NCK2: variants seen among roughly 807,000 people sequenced by gnomAD.
NCK2 encodes the protein NCK adaptor protein 2, also known as cytoplasmic protein NCK2.
A neutral mutation model predicts 33.9 loss-of-function variants in NCK2; 16 were observed. The ratio of observed to expected loss-of-function variants is 0.47; its 90% confidence interval spans 0.32 to 0.72. The LOEUF (loss-of-function observed/expected upper bound fraction) is 0.72. Ranked by LOEUF, NCK2 falls within the 30% of genes least tolerant of loss-of-function variation. The pLI is 0.03. For missense variants in NCK2, 418 were observed against 537.3 expected, an observed-to-expected ratio of 0.78 and a Z score of 2.19; for synonymous variants, 273 against 239.9, an observed-to-expected ratio of 1.14 and a Z score of -1.27.
At chr2:105,789,598 T>A (rs530186292) in intron 1 of NCK2, among the ~76,000 whole-genome samples, 30 of 152,346 alleles carry the variant, frequency 2.0e-4, no homozygotes, top group African/African-American at 7.0e-4. Context: ...AAAATGATCC[T>A]CTTGCTACAT....
chr2:105,847,695 C>T (rs896043388), intron 2 of NCK2, among the ~76,000 whole-genome samples: 2 of 152,096 alleles, frequency 1.3e-5, no homozygotes, highest in Non-Finnish European at 2.9e-5. Flanking sequence ...TGGATAATCA[C>T]CCATCCCAAG....
At chr2:105,819,921 A>G (rs1241587060) in intron 2 of NCK2, among the ~76,000 whole-genome samples, 1 of 152,154 alleles carries the variant, frequency 6.6e-6, no homozygotes, top group Non-Finnish European at 1.5e-5. Flanking sequence ...AGCAGTTAAA[A>G]AAAAAATAGA....
At chr2:105,760,586 T>G (rs1689736544) in intron 1 of NCK2, among the ~76,000 whole-genome samples, 1 of 152,174 alleles carries the variant, frequency 6.6e-6, no homozygotes, top group Non-Finnish European at 1.5e-5. Context: ...TGACCACCTC[T>G]TGGATCTCTC....
chr2:105,783,401 C>T (rs1558835036), intron 1 of NCK2, among the ~76,000 whole-genome samples: 1 of 152,136 alleles, frequency 6.6e-6, no homozygotes, highest in Non-Finnish European at 1.5e-5. Context: ...TCTGGGGTAG[C>T]ACCGTGAAGG....
chr2:105,883,407 G>A (rs1254383631), intron 4 of NCK2, among the ~76,000 whole-genome samples: 1 of 152,166 alleles, frequency 6.6e-6, no homozygotes, highest in Non-Finnish European at 1.5e-5. Context: ...GAGTCCTTAA[G>A]GGCTAAGTAT....
chr2:105,888,155 AT>A (rs1341771444), intron 4 of NCK2, among the ~76,000 whole-genome samples: 1 of 152,226 alleles, frequency 6.6e-6, no homozygotes, highest in Non-Finnish European at 1.5e-5. Flanking sequence ...CCGCCAACCT[AT>A]TAATTGTCCT....
chr2:105,777,146 C>T lies in NCK2; in HGVS notation c.-201+32008C>T, dbSNP rs557083483. Among the ~76,000 whole-genome samples, 11 of 152,236 alleles carry T rather than the reference C, an allele frequency of 7.2e-5. No individual in the cohort carries two copies. The South Asian group carries it at 2.3e-3, about 32-fold the overall frequency. On this transcript the variant is annotated intron_variant, in intron 1 of 4. Transcript: ENST00000233154. ...GAGCAGGAATTCTGAGCCCACGGCC[C>T]TGCGGCTGTCACTGGGCACTCCACC...
chr2:105,776,799 A>G (rs1367414268), intron 1 of NCK2, among the ~76,000 whole-genome samples: 3 of 151,970 alleles, frequency 2.0e-5, no homozygotes, highest in Admixed American at 2.0e-4. Flanking sequence ...CGAGGGTACC[A>G]TAGCCCTCTG....
chr2:105,786,839 A>G (rs980247610), intron 1 of NCK2, among the ~76,000 whole-genome samples: 18 of 114,520 alleles, frequency 1.6e-4, no homozygotes, highest in Admixed American at 1.4e-3. Flanking sequence ...GCCTTCTACC[A>G]GCCCTGCTCC....
intron 1 of NCK2, among the ~76,000 whole-genome samples, chr2:105,768,816 C>T (rs1690031754): frequency 6.6e-6 from 1 of 152,144 alleles, no homozygotes; most frequent in African/African-American, 2.4e-5. Flanking sequence ...TAGGAACAGC[C>T]CAAAGGAAGT....
At chr2:105,787,664 G>A (rs765993944) in intron 1 of NCK2, among the ~76,000 whole-genome samples, 1 of 152,054 alleles carries the variant, frequency 6.6e-6, no homozygotes, top group African/African-American at 2.4e-5. Context: ...CTCTCCCTGC[G>A]GTGGAGACTC....
chr2:105,809,671 G>T (rs1201962744), intron 1 of NCK2, among the ~76,000 whole-genome samples: 2 of 152,198 alleles, frequency 1.3e-5, no homozygotes, highest in Non-Finnish European at 2.9e-5. Flanking sequence ...TTAGCCCATA[G>T]CAGATGGGAT....
intron 2 of NCK2, among the ~76,000 whole-genome samples, chr2:105,849,671 T>C (rs1676987934): frequency 6.6e-6 from 1 of 152,062 alleles, no homozygotes; most frequent in Non-Finnish European, 1.5e-5. Flanking sequence ...GAGTGACACT[T>C]TGATGGGTAT....
intron 1 of NCK2, among the ~76,000 whole-genome samples, chr2:105,776,522 T>C (rs1651388593): frequency 6.6e-6 from 1 of 152,100 alleles, no homozygotes; most frequent in Non-Finnish European, 1.5e-5. Context: ...CGTGGAGGGC[T>C]CCTGCATGCT....
rs67864986 is a variant in NCK2, at chr2:105,832,704, A to ATT, written c.-17+16104_-17+16105dup. ...ATGCTGTTGGATTTACTTTGCCAGT[A>ATT]TTTTTTTTTTTTTTGAGGATTTTTG... On this transcript the variant is annotated intron_variant, in intron 2 of 4. Coordinates refer to ENST00000233154, the MANE Select transcript of NCK2 (RefSeq NM_003581.5). 7.7e-3 allele frequency among the ~76,000 whole-genome samples: 1,106 copies of ATT among 144,386 alleles called. 3 individuals are homozygous for ATT. The highest frequency in any genetic ancestry group is 0.022 in the Middle Eastern group (6 of 274). The allele number at this position is 144,386 out of a possible 152,430, so 94.7% of individuals were successfully genotyped here.
At chr2:105,791,892 T>G (rs1035262023) in intron 1 of NCK2, among the ~76,000 whole-genome samples, 3 of 152,236 alleles carry the variant, frequency 2.0e-5, no homozygotes, top group African/African-American at 7.2e-5. Context: ...TTTTTCTTTT[T>G]GGGAGGAGCA....
chr2:105,842,350 T>C (rs11124063), intron 2 of NCK2, among the ~76,000 whole-genome samples: 103,045 of 152,048 alleles, frequency 0.68, 35,259 homozygotes, highest in African/African-American at 0.78. Context: ...CCTCTCAAAG[T>C]GTTGGGATTA....
intron 1 of NCK2, among the ~76,000 whole-genome samples, chr2:105,792,753 T>G (rs1349700070): frequency 6.6e-6 from 1 of 152,168 alleles, no homozygotes; most frequent in African/African-American, 2.4e-5. Context: ...TCTGGTGCGA[T>G]TTTCTGGCAA....
intron 1 of NCK2, among the ~76,000 whole-genome samples, chr2:105,776,064 T>C (rs955846447): frequency 6.6e-6 from 1 of 152,238 alleles, no homozygotes; most frequent in Non-Finnish European, 1.5e-5. Context: ...CAATTTGGTG[T>C]GGCCTGGAGC....
Sources: allele counts gnomAD v4.1 joint callset (sites outside exome capture counted in the v4.1 genomes callset), GRCh38; gene constraint gnomAD v4.1.1; transcripts MANE v1.5; gene names NCBI Gene and HGNC (gene_info 2026-07-23, HGNC 2026-07-21).